The following ULK4 variants were observed in gnomAD, a reference collection of about 807,000 sequenced individuals.
ULK4 encodes inactive serine/threonine-protein kinase ULK4.
Under a neutral mutation model 160.6 loss-of-function variants are expected in ULK4, and 133 were observed. The ratio of observed to expected loss-of-function variants is 0.83; its 90% CI spans 0.72 to 0.96. The LOEUF (loss-of-function observed/expected upper bound fraction) is 0.96. Among genes scored for constraint, ULK4 ranks in the 40% least tolerant of loss-of-function variants. The pLI is 0.00. For synonymous variants in ULK4, 534 were observed against 539.8 expected, an observed-to-expected ratio of 0.99 and a Z score of 0.15; for missense variants, 1,580 against 1,499.5, an observed-to-expected ratio of 1.05 and a Z score of -0.89.
intron 16 of ULK4, among the ~76,000 whole-genome samples, chr3:41,891,363 GAGGC>G (rs1226603163): frequency 1.4e-5 from 2 of 138,986 alleles, no homozygotes; most frequent in African/African-American, 5.3e-5. Flanking sequence ...GGGAGGGAGG[GAGGC>G]AGGCAGGCAG....
At chr3:41,563,761 A>C (rs1035916821) in intron 32 of ULK4, among the ~76,000 whole-genome samples, 7 of 152,180 alleles carry the variant, frequency 4.6e-5, no homozygotes, top group East Asian at 1.9e-4. Context: ...CCATTCGTCT[A>C]AACTTTTTTC....
At chr3:41,484,610 A>ATGTG in intron 32 of ULK4, among the ~76,000 whole-genome samples, 1 of 151,504 alleles carries the variant, frequency 6.6e-6, no homozygotes, top group Non-Finnish European at 1.5e-5. Flanking sequence ...CCGCCACCAC[A>ATGTG]CCCGGCTAAT....
intron 30 of ULK4, among the ~76,000 whole-genome samples, chr3:41,634,439 T>C (rs1184978792): frequency 2.0e-5 from 3 of 151,636 alleles, no homozygotes; most frequent in Non-Finnish European, 4.4e-5. Flanking sequence ...GCAAAAAGAG[T>C]ATAATGAGTC....
intron 32 of ULK4, among the ~76,000 whole-genome samples, chr3:41,515,954 T>C (rs1189559428): frequency 1.3e-5 from 2 of 152,230 alleles, no homozygotes; most frequent in Admixed American, 6.5e-5. Context: ...AACTTTCTAG[T>C]GTACTAGAAA....
At chr3:41,682,626 A>G (rs10510726) in intron 27 of ULK4, among the ~76,000 whole-genome samples, 30,316 of 152,228 alleles carry the variant, frequency 0.2, 7,970 homozygotes, top group African/African-American at 0.61. Context: ...GTATTAACAT[A>G]TTCTATCTCC....
intron 35 of ULK4, chr3:41,258,615 G>C (rs1354477244): frequency 6.6e-6 from 1 of 152,306 alleles, no homozygotes; most frequent in South Asian, 2.1e-4. Flanking sequence ...GAGTCCATGA[G>C]TGGATTTCAA....
At chr3:41,825,508 G>A (rs548431962) in intron 18 of ULK4, among the ~76,000 whole-genome samples, 1 of 152,348 alleles carries the variant, frequency 6.6e-6, no homozygotes, top group Non-Finnish European at 1.5e-5. Flanking sequence ...AGAACTACGT[G>A]ACAAAGGCGC....
intron 32 of ULK4, among the ~76,000 whole-genome samples, chr3:41,515,154 G>A (rs1460822966): frequency 6.6e-6 from 1 of 151,966 alleles, no homozygotes; most frequent in Non-Finnish European, 1.5e-5. Context: ...CTACTTAGGA[G>A]GCTAAGGCAG....
chr3:41,597,155 AG>A (rs2031749858), intron 31 of ULK4, among the ~76,000 whole-genome samples: 1 of 152,122 alleles, frequency 6.6e-6, no homozygotes, highest in African/African-American at 2.4e-5. Context: ...TGGGAGGGGT[AG>A]TCTCCCCACT....
At chr3:41,817,553 T>C (rs2041012030) in intron 19 of ULK4, among the ~76,000 whole-genome samples, 1 of 152,148 alleles carries the variant, frequency 6.6e-6, no homozygotes, top group Admixed American at 6.6e-5. Flanking sequence ...TTCTCACTTA[T>C]AAGTGAGAAC....
intron 32 of ULK4, among the ~76,000 whole-genome samples, chr3:41,465,699 C>G (rs1371430040): frequency 6.6e-6 from 1 of 152,110 alleles, no homozygotes; most frequent in South Asian, 2.1e-4. Flanking sequence ...CACCTAGAGA[C>G]TTGATTTAAT....
chr3:41,447,589 G>C (rs569100298), intron 34 of ULK4, among the ~76,000 whole-genome samples: 5 of 152,146 alleles, frequency 3.3e-5, no homozygotes, highest in Non-Finnish European at 7.3e-5. Flanking sequence ...TTGAATGTCA[G>C]AGCCCTGGGG....
intron 34 of ULK4, among the ~76,000 whole-genome samples, chr3:41,419,052 T>C (rs2082597466): frequency 6.6e-6 from 1 of 152,208 alleles, no homozygotes; most frequent in South Asian, 2.1e-4. Flanking sequence ...GTGGCATTAC[T>C]TTGTAATGCA....
intron 34 of ULK4, among the ~76,000 whole-genome samples, chr3:41,438,265 A>C (rs1437947692): frequency 6.6e-6 from 1 of 152,158 alleles, no homozygotes; most frequent in African/African-American, 2.4e-5. Context: ...AGTGTGACAT[A>C]AATCAGACCA....
chr3:41,556,709 C>G (rs1487570665), intron 32 of ULK4, among the ~76,000 whole-genome samples: 1 of 151,842 alleles, frequency 6.6e-6, no homozygotes, highest in Non-Finnish European at 1.5e-5. Context: ...GGATGGTCTC[C>G]ATCTGCTGAC....
chr3:41,296,753 G>T (rs557019798), intron 35 of ULK4, among the ~76,000 whole-genome samples: 1 of 152,156 alleles, frequency 6.6e-6, no homozygotes, highest in South Asian at 2.1e-4. Flanking sequence ...AGGTGAGGGG[G>T]TCAATGGCAG....
chr3:41,337,401 AG>A (rs2080584065), intron 35 of ULK4, among the ~76,000 whole-genome samples: 1 of 152,090 alleles, frequency 6.6e-6, no homozygotes, highest in African/African-American at 2.4e-5. Flanking sequence ...TGTAAGGGCG[AG>A]GCCTCCTCAT....
chr3:41,579,225 G>A (rs976598513), intron 31 of ULK4, among the ~76,000 whole-genome samples: 5 of 152,122 alleles, frequency 3.3e-5, no homozygotes, highest in African/African-American at 9.7e-5. Flanking sequence ...TTTATATGTC[G>A]AAATGGCTTG....
At chr3:41,385,477 A>G (rs1009461046) in intron 35 of ULK4, among the ~76,000 whole-genome samples, 2 of 152,090 alleles carry the variant, frequency 1.3e-5, no homozygotes, top group Non-Finnish European at 2.9e-5. Flanking sequence ...CAGATTGGAG[A>G]AAAAAATAGG....
Sources: gnomAD v4.1 joint callset for allele counts (sites outside exome capture counted in the v4.1 genomes callset) on GRCh38, gnomAD v4.1.1 for gene constraint, MANE v1.5 for transcripts, NCBI Gene and HGNC (gene_info 2026-07-23, HGNC 2026-07-21) for gene names.